UBXN4: variants seen among roughly 807,000 people sequenced by gnomAD.
UBXN4 encodes the protein UBX domain protein 4, also known as UBX domain-containing protein 4.
UBXN4 carries 35 observed loss-of-function variants against 66.2 expected under a neutral mutation model. The observed-to-expected ratio is 0.53, with a 90% confidence interval of 0.40 to 0.70. The LOEUF (loss-of-function observed/expected upper bound fraction) is 0.70. Among genes scored for constraint, UBXN4 ranks in the 30% least tolerant of loss-of-function variants. The pLI, the probability that UBXN4 is intolerant of heterozygous loss-of-function variation, is 0.00. For missense variants in UBXN4, 533 were observed against 599.8 expected, an observed-to-expected ratio of 0.89 and a Z score of 1.16; for synonymous variants, 203 against 204.5, an observed-to-expected ratio of 0.99 and a Z score of 0.06.
At position 135,755,614 on chromosome 2, in the gene UBXN4, G is replaced by A. The variant is rs779209411; in HGVS notation, c.431G>A (p.Cys144Tyr). The A allele has an allele frequency of 5.6e-6, 9 of 1,609,234 alleles. No individual in the cohort carries two copies. The highest frequency in any genetic ancestry group is 7.6e-6 in the Non-Finnish European group (9 of 1,177,606). Reference sequence around the variant, plus strand: ...GCGTCATTTGAACCTAACAACACTTGTGAAAACTCTCAGTCCAGAAATGCA... The same window carrying A: ...GCGTCATTTGAACCTAACAACACTTATGAAAACTCTCAGTCCAGAAATGCA... ...PSASFEPNNTCENSQSRNAEL... is the reference protein window; with the variant it reads ...PSASFEPNNTYENSQSRNAEL... Residue 144 changes from cysteine (C) to tyrosine (Y), a missense_variant, in exon 5 of 13, where the codon TGT becomes TAT. Physicochemically the swap from Cys to Tyr is radical, Grantham distance 194. This residue lies in a region of UBXN4 where 529 missense variants were observed against 580.1 expected (regional missense o/e 0.91). Coordinates refer to ENST00000272638, the MANE Select transcript of UBXN4 (RefSeq NM_014607.4).
chr2:135,744,605 T>A (rs534151538), intron 1 of UBXN4, among the ~76,000 whole-genome samples: 1 of 152,130 alleles, frequency 6.6e-6, no homozygotes, highest in Non-Finnish European at 1.5e-5. Context: ...ACAGAAGCCT[T>A]TAGGTTTTGA....
chr2:135,751,936 T>G (rs2077244809), intron 2 of UBXN4, among the ~76,000 whole-genome samples: 1 of 152,218 alleles, frequency 6.6e-6, no homozygotes, highest in African/African-American at 2.4e-5. Flanking sequence ...CCCTGACCAC[T>G]CAGCTCCCTT....
At position 135,750,195 on chromosome 2, in the gene UBXN4, A is replaced by C. The variant is rs540226192; in HGVS notation, c.185+1826A>C. 2.5e-4 allele frequency among the ~76,000 whole-genome samples: 38 copies of C among 152,256 alleles called. No homozygotes were observed. The East Asian group carries it at 7.3e-3, about 29-fold the overall frequency. ...CACTATGTTGCCCAGGCTGGTCTTA[A>C]AATATTGGACTGAAGAGATCCTCCC... On this transcript the variant is annotated intron_variant, in intron 2 of 12. Coordinates refer to ENST00000272638, the MANE Select transcript of UBXN4 (RefSeq NM_014607.4).
At chr2:135,767,296 G>A (rs2077354913) in intron 6 of UBXN4, among the ~76,000 whole-genome samples, 2 of 152,142 alleles carry the variant, frequency 1.3e-5, no homozygotes, top group African/African-American at 4.8e-5. Context: ...GGGAGGCAGA[G>A]GTTGCAGTGA....
In UBXN4 at chr2:135,753,852, T is replaced by C. The variant is rs549361972; in HGVS notation, c.214+285T>C. The C allele has an allele frequency of 2.8e-4, 126 of 447,862 alleles. No homozygotes were observed. The East Asian group carries it at 5.0e-3, about 18-fold the overall frequency. The allele number at this position is 447,862 out of a possible 1,614,324, so 27.7% of individuals were successfully genotyped here. A position where few individuals can be genotyped will look rare whatever the true frequency, so the allele number is the denominator to read the frequency against. On this transcript the variant is annotated intron_variant, in intron 3 of 12. Coordinates refer to ENST00000272638, the MANE Select transcript of UBXN4 (RefSeq NM_014607.4). ...TAAAATGTGAATATCTGAAAAACAA[T>C]ATAGATCAGTTGGGTTGGAATGTTA...
At chr2:135,749,751 GT>G (rs1160450622) in intron 2 of UBXN4, among the ~76,000 whole-genome samples, 1 of 152,158 alleles carries the variant, frequency 6.6e-6, no homozygotes, top group Non-Finnish European at 1.5e-5. Flanking sequence ...CAAAGTCATA[GT>G]TTTATTACTT....
chr2:135,742,121 C>G, intron 1 of UBXN4, 110 bp downstream of exon 1: 1 of 1,323,262 alleles, frequency 7.6e-7, no homozygotes, highest in Non-Finnish European at 1.0e-6. Context: ...GGGCTCCTGT[C>G]GGCTCGCACA....
At chr2:135,780,537 C>T in intron 12 of UBXN4, 152 bp downstream of exon 12, 2 of 757,358 alleles carry the variant, frequency 2.6e-6, no homozygotes, top group South Asian at 3.6e-5. Context: ...AACTTTATTA[C>T]ATCATCTCTA....
intron 7 of UBXN4, 150 bp downstream of exon 7, chr2:135,769,973 A>G (rs1191243544): frequency 1.9e-6 from 1 of 517,810 alleles, no homozygotes; most frequent in East Asian, 3.4e-5. Context: ...TCTCTAGTAG[A>G]GTCATAGTAT....
At chr2:135,762,438 T>C (rs570600138) in intron 6 of UBXN4, among the ~76,000 whole-genome samples, 1 of 152,336 alleles carries the variant, frequency 6.6e-6, no homozygotes, top group African/African-American at 2.4e-5. Flanking sequence ...TAATTAGTGG[T>C]TAAGCGGGAA....
At position 135,780,191 on chromosome 2, in the gene UBXN4, A is replaced by T; in HGVS notation, c.1194A>T (p.Arg398Ser). 6.2e-7 allele frequency: 1 copy of T among 1,614,026 alleles called. No individual in the cohort carries two copies. The highest frequency in any genetic ancestry group is 8.5e-7 in the Non-Finnish European group (1 of 1,179,988). Residue 398 changes from arginine (R) to serine (S), a missense_variant, in exon 12 of 13, where the codon AGA (arginine) becomes AGT (serine). By Grantham distance (110) the Arg-to-Ser change is moderately radical. Around this residue, in one of 2 missense-constraint regions of UBXN4, gnomAD observed 529 missense variants for 580.1 expected, o/e 0.91. Transcript: ENST00000272638. Reference protein sequence around the residue: ...SASVVLLPAGRPTASIVHSSS... With the variant: ...SASVVLLPAGSPTASIVHSSS... ...TGTTTATTAATTTCTAGGCAGGAAG[A>T]CCAACTGCATCCATTGTACACTCTT...
chr2:135,774,940 A>G (rs1363171653), intron 9 of UBXN4, among the ~76,000 whole-genome samples: 1 of 152,240 alleles, frequency 6.6e-6, no homozygotes, highest in Non-Finnish European at 1.5e-5. Flanking sequence ...GAATATAAAA[A>G]GAACCTGTGA....
At chr2:135,742,098 C>T (rs903074798) in intron 1 of UBXN4, 87 bp downstream of exon 1, 3 of 1,451,376 alleles carry the variant, frequency 2.1e-6, no homozygotes, top group Admixed American at 4.2e-5. Flanking sequence ...CCGGCCCGCC[C>T]TCCCCGAGAC....
chr2:135,756,636 A>G (rs2077280119), intron 5 of UBXN4, among the ~76,000 whole-genome samples: 2 of 152,236 alleles, frequency 1.3e-5, no homozygotes, highest in Non-Finnish European at 2.9e-5. Context: ...CTACGACAGA[A>G]TAATTACTTT....
At position 135,784,702 on chromosome 2, in the gene UBXN4, AC is replaced by A. The variant is rs2077472451; in HGVS notation, c.*1818del. On this transcript the variant is annotated 3_prime_UTR_variant, in exon 13 of 13. Coordinates refer to ENST00000272638, the MANE Select transcript of UBXN4 (RefSeq NM_014607.4). ...TTAAAAAAGCTGTCAAATAGGTGTG[AC>A]CCTACTAATAATTATTAGAAATACA... The A allele has an allele frequency of 6.6e-6, 1 of 152,644 alleles. No homozygotes were observed. Among genetic ancestry groups the A allele is most frequent in the African/African-American group, 2.4e-5 (1 of 41,452 alleles). 9.5% of individuals were successfully genotyped at this position (152,644 alleles called of 1,614,324 possible). A position where few individuals can be genotyped will look rare whatever the true frequency, so the allele number is the denominator to read the frequency against.
At position 135,746,704 on chromosome 2, in the gene UBXN4, T is replaced by C. The variant is rs140759991; in HGVS notation, c.83-1563T>C. On this transcript the variant is annotated intron_variant, in intron 1 of 12. Coordinates refer to ENST00000272638, the MANE Select transcript of UBXN4 (RefSeq NM_014607.4). ...GTACAAAGACCTTATGGCTGAAGTG[T>C]CTTTCATATTTGAGGAATAGAAGGA... 9.1e-4 allele frequency among the ~76,000 whole-genome samples: 138 copies of C among 152,262 alleles called. 1 individual carries two copies. The highest frequency in any genetic ancestry group is 3.1e-3 in the African/African-American group (129 of 41,556).
intron 2 of UBXN4, 51 bp downstream of exon 2, chr2:135,748,420 C>A: frequency 7.4e-7 from 1 of 1,350,932 alleles, no homozygotes. Flanking sequence ...TAAGTATTGT[C>A]TTTGATTTAT....
At chr2:135,778,302 A>AG (rs1052472266) in intron 10 of UBXN4, among the ~76,000 whole-genome samples, 10 of 151,654 alleles carry the variant, frequency 6.6e-5, no homozygotes, top group African/African-American at 2.4e-4. Flanking sequence ...AAAAAAAAAA[A>AG]TACGAAAAAC....
chr2:135,769,265 G>A lies in UBXN4; in HGVS notation c.603-504G>A, dbSNP rs960407583. Among the ~76,000 whole-genome samples, 3 of 152,030 alleles carry A rather than the reference G, an allele frequency of 2.0e-5. 1 individual carries two copies. The highest frequency in any genetic ancestry group is 4.4e-5 in the Non-Finnish European group (3 of 67,986). ...AACCTCAGCCCTCCCAAAGTGCTGG[G>A]ATTACAGGCATGAGCCACTGTGCCC... is the stretch of plus-strand genomic sequence containing the variant. On this transcript the variant is annotated intron_variant, in intron 6 of 12. Coordinates refer to ENST00000272638, the MANE Select transcript of UBXN4 (RefSeq NM_014607.4).
Sources: allele counts gnomAD v4.1 joint callset (sites outside exome capture counted in the v4.1 genomes callset), GRCh38; gene constraint gnomAD v4.1.1; regional missense constraint gnomAD v4.1.1; transcripts MANE v1.5; gene names NCBI Gene and HGNC (gene_info 2026-07-23, HGNC 2026-07-21).